The following PHF21A variants were observed in gnomAD, a reference collection of about 807,000 sequenced individuals.
PHF21A encodes the protein PHD finger protein 21A, also known as BHC80a.
A neutral mutation model predicts 82.5 loss-of-function variants in PHF21A; 11 were observed. The ratio of observed to expected loss-of-function variants is 0.13; its 90% CI spans 0.08 to 0.22. The LOEUF (loss-of-function observed/expected upper bound fraction) is 0.22. Among genes scored for constraint, PHF21A ranks in the 10% least tolerant of loss-of-function variants. The probability of loss-of-function intolerance (pLI) is 1.00; values close to 1 mark genes in which losing one functional copy is unlikely to be tolerated. For missense variants in PHF21A, 579 were observed against 837.8 expected (o/e 0.69, Z 3.81); for synonymous variants, 297 against 302.8 (o/e 0.98, Z 0.20).
At chr11:45,951,639 AC>A (rs1428895003) in intron 11 of PHF21A, among the ~76,000 whole-genome samples, 1 of 152,070 alleles carries the variant, frequency 6.6e-6, no homozygotes, top group Non-Finnish European at 1.5e-5. Context: ...CTTTCCCCTA[AC>A]TGTTGTTCTT....
intron 6 of PHF21A, among the ~76,000 whole-genome samples, chr11:45,981,392 CAAAAAAAAAAAAAA>C (rs59866051): frequency 3.3e-5 from 2 of 60,264 alleles, no homozygotes; most frequent in African/African-American, 1.4e-4. Flanking sequence ...AACCCTGTCT[CAAAAAAAAAAAAAA>C]AAAAAAAAAA....
intron 6 of PHF21A, among the ~76,000 whole-genome samples, chr11:45,988,146 A>T (rs2094558858): frequency 6.6e-6 from 1 of 152,248 alleles, no homozygotes; most frequent in Non-Finnish European, 1.5e-5. Flanking sequence ...AGCCCTAGGT[A>T]CCATTTGAGA....
chr11:45,933,788 A>G lies in PHF21A; in HGVS notation c.*180T>C, dbSNP rs2088037244. On this transcript the variant is annotated 3_prime_UTR_variant, in exon 19 of 19. Coordinates refer to ENST00000676320, the MANE Select transcript of PHF21A (RefSeq NM_001352027.3). ...TCCAATCTTTGCATGTACACACAGA[A>G]TAAGAAGGATCAATTGGCAAACTCT... 2 of 556,242 alleles carry G rather than the reference A, an allele frequency of 3.6e-6. No individual in the cohort carries two copies. Among genetic ancestry groups the G allele is most frequent in the Non-Finnish European group, 6.2e-6 (2 of 322,602 alleles). 34.5% of individuals were successfully genotyped at this position (556,242 alleles called of 1,614,324 possible).
rs1591181682 is a variant in PHF21A at position 45,954,363 on chromosome 11, A to G, written c.997-738T>C. On this transcript the variant is annotated intron_variant, in intron 10 of 18. Transcript: ENST00000676320. Reference sequence around the variant, plus strand: ...GCTTAAGATCAGAATGATGTTAAAAACATCTCACATACACAGTCTCCTATT... The same window carrying G: ...GCTTAAGATCAGAATGATGTTAAAAGCATCTCACATACACAGTCTCCTATT... 3.9e-5 allele frequency among the ~76,000 whole-genome samples: 6 copies of G among 152,262 alleles called. 1 individual carries two copies. Among genetic ancestry groups the G allele is most frequent in the Non-Finnish European group, 1.5e-5 (1 of 68,024 alleles).
intron 6 of PHF21A, among the ~76,000 whole-genome samples, chr11:45,987,808 G>A (rs190226643): frequency 4.0e-5 from 6 of 151,544 alleles, no homozygotes; most frequent in Admixed American, 6.6e-5. Flanking sequence ...ACAGAACACC[G>A]CTGCACATAC....
intron 8 of PHF21A, chr11:45,970,141 ATAGCAGGCTCAGTAAATCT>A: frequency 2.3e-6 from 1 of 436,536 alleles, no homozygotes; most frequent in South Asian, 2.8e-5. Context: ...AATGGAGAAC[ATAGCAGGCTCAGTAAATCT>A]TAGACAATTT....
chr11:46,026,827 G>A (rs146812621), intron 6 of PHF21A: 1 of 152,284 alleles, frequency 6.6e-6, no homozygotes, highest in African/African-American at 2.4e-5. Context: ...AGCAGAGCCA[G>A]CATCACGAAG....
At chr11:45,994,427 G>C (rs1406332723) in intron 6 of PHF21A, among the ~76,000 whole-genome samples, 1 of 152,160 alleles carries the variant, frequency 6.6e-6, no homozygotes, top group Non-Finnish European at 1.5e-5. Flanking sequence ...CACACAGAGA[G>C]GTTTTAAAAC....
chr11:46,069,977 A>G (rs2096637343), intron 6 of PHF21A, among the ~76,000 whole-genome samples: 1 of 152,216 alleles, frequency 6.6e-6, no homozygotes, highest in African/African-American at 2.4e-5. Flanking sequence ...CTCAATGCAT[A>G]ATCCAAACAT....
Position 45,976,103 on chromosome 11 carries a change from G to A in PHF21A, c.360+3657C>T, listed in dbSNP as rs2094009498. ...GGCCTTATCTCCTCTCCATCGTTTC[G>A]TGGATCACACACTCCAACCACACCA... On this transcript the variant is annotated intron_variant, in intron 7 of 18. Transcript: ENST00000676320. Among the ~76,000 whole-genome samples, 3 of 151,936 alleles carry A rather than the reference G, an allele frequency of 2.0e-5. No homozygotes were observed. The South Asian group carries it at 6.2e-4, about 32-fold the overall frequency.
chr11:46,006,337 TGTATATACAATTAGGGC>T (rs2095294589), intron 6 of PHF21A, among the ~76,000 whole-genome samples: 1 of 152,226 alleles, frequency 6.6e-6, no homozygotes, highest in Non-Finnish European at 1.5e-5. Flanking sequence ...ATCTTTCGGT[TGTATATACAATTAGGGC>T]AAAGGCTAAG....
chr11:46,032,141 G>C (rs954591855), intron 6 of PHF21A, among the ~76,000 whole-genome samples: 1 of 152,180 alleles, frequency 6.6e-6, no homozygotes. Flanking sequence ...GCAATGTCCT[G>C]TGTCCTTAGT....
chr11:45,976,604 G>A (rs1036467750), intron 7 of PHF21A, among the ~76,000 whole-genome samples: 1 of 152,224 alleles, frequency 6.6e-6, no homozygotes, highest in Admixed American at 6.5e-5. Context: ...CACTGTGGGA[G>A]ACCGAGATGG....
At chr11:45,985,421 C>CCATTATGA (rs2094457939) in intron 6 of PHF21A, among the ~76,000 whole-genome samples, 1 of 152,080 alleles carries the variant, frequency 6.6e-6, no homozygotes, top group Admixed American at 6.5e-5. Context: ...TGAACAAAAA[C>CCATTATGA]ACAGAATGCC....
intron 6 of PHF21A, among the ~76,000 whole-genome samples, chr11:45,982,439 G>A (rs2094338524): frequency 6.6e-6 from 1 of 151,988 alleles, no homozygotes; most frequent in South Asian, 2.1e-4. Flanking sequence ...ACTATCTGCA[G>A]AATAATAAAA....
At chr11:45,985,299 A>C (rs895354977) in intron 6 of PHF21A, among the ~76,000 whole-genome samples, 1 of 152,228 alleles carries the variant, frequency 6.6e-6, no homozygotes, top group African/African-American at 2.4e-5. Context: ...TTATCCTCTA[A>C]AGAAGAGGGG....
At chr11:46,097,976 C>T (rs1208898755) in intron 1 of PHF21A, among the ~76,000 whole-genome samples, 2 of 152,086 alleles carry the variant, frequency 1.3e-5, no homozygotes, top group Non-Finnish European at 2.9e-5. Context: ...ATTTAGAACC[C>T]ATAGATCTGT....
intron 6 of PHF21A, among the ~76,000 whole-genome samples, chr11:46,011,653 G>A (rs1301931589): frequency 6.6e-6 from 1 of 152,142 alleles, no homozygotes; most frequent in African/African-American, 2.4e-5. Flanking sequence ...TTTTGGTTTA[G>A]GTCCTTTCTC....
chr11:46,044,191 A>T (rs1306649999), intron 6 of PHF21A, among the ~76,000 whole-genome samples: 1 of 152,182 alleles, frequency 6.6e-6, no homozygotes, highest in East Asian at 1.9e-4. Flanking sequence ...AGGAAAACAA[A>T]CTGGAAAATA....
Sources: allele counts gnomAD v4.1 joint callset (sites outside exome capture counted in the v4.1 genomes callset), GRCh38; gene constraint gnomAD v4.1.1; transcripts MANE v1.5; gene names NCBI Gene and HGNC (gene_info 2026-07-23, HGNC 2026-07-21).